FGGY: variants seen among roughly 807,000 people sequenced by gnomAD.
FGGY encodes the protein FGGY carbohydrate kinase domain-containing protein.
Under a neutral mutation model 71.3 loss-of-function variants are expected in FGGY, and 72 were observed. The observed-to-expected ratio is 1.01, with a 90% CI of 0.84 to 1.23. The LOEUF (loss-of-function observed/expected upper bound fraction) is 1.23. FGGY is among the 50% of genes most tolerant of loss of function. The pLI, the probability that FGGY is intolerant of heterozygous loss-of-function variation, is 0.00. For synonymous variants in FGGY, 251 were observed against 250.3 expected, an observed-to-expected ratio of 1.00 and a Z score of -0.02; for missense variants, 668 against 682.3, an observed-to-expected ratio of 0.98 and a Z score of 0.23.
At chr1:59,665,057 C>T (rs1010020156) in intron 12 of FGGY, among the ~76,000 whole-genome samples, 6 of 152,194 alleles carry the variant, frequency 3.9e-5, no homozygotes, top group Admixed American at 3.9e-4. Context: ...TACTACAATT[C>T]ATGCCGTTAG....
chr1:59,380,518 G>A (rs2059284949), intron 5 of FGGY, among the ~76,000 whole-genome samples: 1 of 151,500 alleles, frequency 6.6e-6, no homozygotes, highest in South Asian at 2.1e-4. Flanking sequence ...TCTCATTGTG[G>A]TTTTGATTTG....
chr1:59,305,956 C>T (rs750267561), intron 1 of FGGY, among the ~76,000 whole-genome samples: 2 of 152,168 alleles, frequency 1.3e-5, no homozygotes, highest in African/African-American at 2.4e-5. Context: ...GCTCTGTCTC[C>T]TCAACTCAGG....
intron 5 of FGGY, among the ~76,000 whole-genome samples, chr1:59,416,787 AATCTT>A (rs1472827094): frequency 6.6e-6 from 1 of 152,098 alleles, no homozygotes; most frequent in Non-Finnish European, 1.5e-5. Flanking sequence ...CTTTCCCAGG[AATCTT>A]CTCTTCCTAC....
intron 2 of FGGY, among the ~76,000 whole-genome samples, chr1:59,327,002 A>C (rs973545632): frequency 6.6e-6 from 1 of 152,242 alleles, no homozygotes; most frequent in African/African-American, 2.4e-5. Context: ...ATGATCATCG[A>C]AGCCTGCAGT....
chr1:59,435,536 G>T (rs754312211), intron 5 of FGGY, among the ~76,000 whole-genome samples: 9 of 151,972 alleles, frequency 5.9e-5, no homozygotes, highest in Non-Finnish European at 1.3e-4. Flanking sequence ...CACTTCACTT[G>T]CCCAGACAGA....
At chr1:59,724,437 T>C (rs947104037) in intron 14 of FGGY, among the ~76,000 whole-genome samples, 70 of 152,088 alleles carry the variant, frequency 4.6e-4, no homozygotes, top group African/African-American at 1.5e-3. Flanking sequence ...TGAGCAGAGA[T>C]TGCACTGCTG....
intron 5 of FGGY, among the ~76,000 whole-genome samples, chr1:59,393,848 G>A (rs541168348): frequency 1.1e-4 from 16 of 152,082 alleles, no homozygotes; most frequent in Non-Finnish European, 2.1e-4. Flanking sequence ...CTTTATTTTG[G>A]CCCCCAACCC....
At chr1:59,484,333 T>C (rs2093594246) in intron 6 of FGGY, among the ~76,000 whole-genome samples, 1 of 152,190 alleles carries the variant, frequency 6.6e-6, no homozygotes, top group Non-Finnish European at 1.5e-5. Flanking sequence ...ATATGTCTTC[T>C]GCATTCTCCC....
chr1:59,324,551 CA>C (rs1189278254), intron 2 of FGGY, among the ~76,000 whole-genome samples: 1 of 152,084 alleles, frequency 6.6e-6, no homozygotes, highest in Admixed American at 6.5e-5. Context: ...GCTGGGATTA[CA>C]GGCGTGAGCC....
intron 5 of FGGY, among the ~76,000 whole-genome samples, chr1:59,422,657 G>A (rs1427705959): frequency 2.0e-5 from 3 of 150,802 alleles, no homozygotes; most frequent in Non-Finnish European, 2.9e-5. Flanking sequence ...ATCATGCGCT[G>A]CACTCCGATT....
chr1:59,692,378 T>A, intron 14 of FGGY, among the ~76,000 whole-genome samples: 1 of 152,232 alleles, frequency 6.6e-6, no homozygotes, highest in Admixed American at 6.5e-5. Context: ...CGTTAGGCTT[T>A]CTTATCACTT....
At chr1:59,323,077 A>G (rs80337167) in intron 2 of FGGY, among the ~76,000 whole-genome samples, 2,801 of 152,234 alleles carry the variant, frequency 0.018, 90 homozygotes, top group African/African-American at 0.065. Context: ...AGAGGGATGC[A>G]TCTTCTCTTT....
intron 14 of FGGY, among the ~76,000 whole-genome samples, chr1:59,678,639 C>T (rs1263818955): frequency 6.6e-6 from 1 of 152,108 alleles, no homozygotes; most frequent in East Asian, 1.9e-4. Flanking sequence ...TCCTTCAGGC[C>T]CCCTGCAGAT....
At chr1:59,321,441 G>A in intron 1 of FGGY, 95 bp from the exon 2 acceptor site, 2 of 1,115,306 alleles carry the variant, frequency 1.8e-6, no homozygotes, top group Non-Finnish European at 2.6e-6. Flanking sequence ...CGGTTAGGTA[G>A]CGGTACCTCT....
intron 7 of FGGY, among the ~76,000 whole-genome samples, chr1:59,538,682 A>G (rs894709884): frequency 2.0e-5 from 3 of 152,082 alleles, no homozygotes; most frequent in Non-Finnish European, 2.9e-5. Context: ...GGATGAGTTC[A>G]TGTCCTTTGT....
chr1:59,633,052 C>T (rs552242440), intron 10 of FGGY, among the ~76,000 whole-genome samples: 12 of 150,790 alleles, frequency 8.0e-5, no homozygotes, highest in African/African-American at 2.9e-4. Context: ...GCACTTTCAC[C>T]CAGGCTGGAG....
chr1:59,321,873 C>A, intron 2 of FGGY, 123 bp downstream of exon 2: 2 of 950,316 alleles, frequency 2.1e-6, no homozygotes, highest in Non-Finnish European at 3.1e-6. Context: ...AGACATAGGC[C>A]TTGCCCTTCA....
chr1:59,759,549 G>A (rs1432917981), intron 15 of FGGY, among the ~76,000 whole-genome samples: 1 of 152,216 alleles, frequency 6.6e-6, no homozygotes. Context: ...TAAACCCCAC[G>A]TGTTCAGAGA....
At chr1:59,728,839 T>G (rs1247121854) in intron 14 of FGGY, among the ~76,000 whole-genome samples, 1 of 152,150 alleles carries the variant, frequency 6.6e-6, no homozygotes, top group Non-Finnish European at 1.5e-5. Context: ...GTTTTAATTT[T>G]GATTATGATT....
Sources: allele counts gnomAD v4.1 joint callset (sites outside exome capture counted in the v4.1 genomes callset), GRCh38; gene constraint gnomAD v4.1.1; transcripts MANE v1.5; gene names NCBI Gene and HGNC (gene_info 2026-07-23, HGNC 2026-07-21).